Variants in SLC19A1 observed in about 807,000 individuals in gnomAD.
SLC19A1 encodes reduced folate transporter.
Under a neutral mutation model 35.3 loss-of-function variants are expected in SLC19A1, and 37 were observed. That is an observed-to-expected ratio of 1.05 (90% CI 0.81 to 1.38). SLC19A1 has a LOEUF of 1.38. Among genes scored for constraint, SLC19A1 ranks in the 40% most tolerant of loss-of-function variants. The pLI is 0.00. For synonymous variants in SLC19A1, 460 were observed against 398.5 expected, an observed-to-expected ratio of 1.15 and a Z score of -1.84; for missense variants, 831 against 826.9, an observed-to-expected ratio of 1.00 and a Z score of -0.06.
chr21:45,505,098 A>T lies in SLC19A1; in HGVS notation c.498-6486T>A, dbSNP rs767668010. On this transcript the variant is annotated intron_variant, in intron 3 of 4. Transcript: ENST00000417954. ...TTGCCCGCCCCCAGTCCAGGGCACGAGGTAACCAGGAAGCGTCTCTTGTCG... is the reference window on the plus strand; with the variant it reads ...TTGCCCGCCCCCAGTCCAGGGCACGTGGTAACCAGGAAGCGTCTCTTGTCG... 27 of 1,600,118 alleles carry T rather than the reference A, an allele frequency of 1.7e-5. No homozygotes were observed. The African/African-American group carries it at 2.7e-4, about 16-fold the overall frequency.
intron 1 of SLC19A1, among the ~76,000 whole-genome samples, chr21:45,550,883 C>T (rs1239396171): frequency 7.5e-6 from 1 of 133,580 alleles, no homozygotes; most frequent in Admixed American, 7.6e-5. Context: ...CTCCGCCTTT[C>T]TGTCCCCTTC....
At chr21:45,510,352 T>C, downstream of SLC19A1, 1 of 1,375,960 alleles carries the variant, frequency 7.3e-7, no homozygotes, top group Non-Finnish European at 1.0e-6. Flanking sequence ...CTCTAGGGCC[T>C]CTGGAGGCCA....
intron 1 of SLC19A1, among the ~76,000 whole-genome samples, chr21:45,553,507 AC>A (rs1266016268): frequency 6.6e-6 from 1 of 151,680 alleles, no homozygotes; most frequent in African/African-American, 2.4e-5. Flanking sequence ...TTTTAACTGC[AC>A]ACTTCAATGG....
chr21:45,503,326 G>C (rs1324561492), intron 3 of SLC19A1, among the ~76,000 whole-genome samples: 1 of 152,046 alleles, frequency 6.6e-6, no homozygotes, highest in African/African-American at 2.4e-5. Flanking sequence ...GGCCAGTGAT[G>C]ATGAGCATTT....
At position 45,515,526 on chromosome 21, in the gene SLC19A1, AG is replaced by A; in HGVS notation, c.*131del. ...CCACCGCCAGAGTGCGGCACAGGGC[AG>A]GGGGAATCCTAGGGGGCCTGCTAGC... On this transcript the variant is annotated 3_prime_UTR_variant, in exon 6 of 6. Transcript: ENST00000311124. 1 of 1,527,652 alleles carries A rather than the reference AG, an allele frequency of 6.5e-7. No individual in the cohort carries two copies. The highest frequency in any genetic ancestry group is 1.3e-5 in the South Asian group (1 of 76,606). 94.6% of individuals were successfully genotyped at this position (1,527,652 alleles called of 1,614,324 possible).
chr21:45,538,036 C>T (rs985984290), intron 1 of SLC19A1, 28 bp from the exon 2 acceptor site: 2 of 1,296,912 alleles, frequency 1.5e-6, no homozygotes, highest in Non-Finnish European at 2.0e-6. Context: ...GTCAGGGCAC[C>T]TTGGAAGATG....
At chr21:45,504,350 G>T in intron 3 of SLC19A1, 1 of 1,533,702 alleles carries the variant, frequency 6.5e-7, no homozygotes, top group Non-Finnish European at 8.9e-7. Flanking sequence ...GGCTCGGGGG[G>T]ATGGGAGGCC....
chr21:45,553,490 T>C (rs2078488052), intron 1 of SLC19A1, among the ~76,000 whole-genome samples: 1 of 151,782 alleles, frequency 6.6e-6, no homozygotes, highest in African/African-American at 2.4e-5. Context: ...TGTACCATGT[T>C]AACTATTTTT....
intron 5 of SLC19A1, among the ~76,000 whole-genome samples, chr21:45,524,643 C>T (rs1405072371): frequency 2.0e-4 from 5 of 25,300 alleles, no homozygotes; most frequent in African/African-American, 2.0e-4. Flanking sequence ...CGTTCACCCC[C>T]GGGCCTCGGA....
chr21:45,537,740 GCGGCCGCC>G, intron 2 of SLC19A1, 23 bp downstream of exon 2: 1 of 157,224 alleles, frequency 6.4e-6, no homozygotes. Flanking sequence ...CCACCCACAG[GCGGCCGCC>G]CGGCACCCCG....
intron 5 of SLC19A1, among the ~76,000 whole-genome samples, chr21:45,518,416 G>A (rs1368583537): frequency 1.3e-5 from 2 of 152,116 alleles, no homozygotes; most frequent in Non-Finnish European, 2.9e-5. Flanking sequence ...AGAAAAAGAG[G>A]AGAAAAGGAG....
intron 1 of SLC19A1, among the ~76,000 whole-genome samples, chr21:45,550,354 C>T (rs1301278579): frequency 2.6e-5 from 4 of 152,158 alleles, no homozygotes; most frequent in African/African-American, 4.8e-5. Flanking sequence ...CTCAGGCCCT[C>T]GTATGCCAGA....
exon 1 of SLC19A1, among the ~76,000 whole-genome samples, chr21:45,562,903 G>C (rs942604536): frequency 3.3e-5 from 5 of 152,242 alleles, no homozygotes; most frequent in Non-Finnish European, 5.9e-5. Context: ...TGAATTTACA[G>C]CAGATTCCAA....
At chr21:45,504,919 A>AGGTCTCTGCT (rs111955017) in intron 3 of SLC19A1, among the ~76,000 whole-genome samples, 3 of 151,304 alleles carry the variant, frequency 2.0e-5, no homozygotes, top group Non-Finnish European at 4.4e-5. Flanking sequence ...CACTGTTGTC[A>AGGTCTCTGCT]GGTCTCTGCT....
chr21:45,507,473 G>A, intron 3 of SLC19A1: 3 of 415,818 alleles, frequency 7.2e-6, no homozygotes, highest in Admixed American at 5.7e-5. Flanking sequence ...GCCAGGTGCT[G>A]GGGCGGGAGA....
rs749244983 is a variant in SLC19A1 at position 45,516,043 on chromosome 21, G to C, written c.1391C>G (p.Pro464Arg). The C allele has an allele frequency of 6.3e-7, 1 of 1,583,656 alleles. No individual in the cohort carries two copies. ...CAGGCCCTGGGCCGGGGGCTGCCGC[G>C]GGTGGTGGCCCCGCTGGCAGTGCCG... ...GLRHCQRGHH[P>R]RQPPAQGLRS... Residue 464 changes from proline to arginine, a missense_variant, in exon 6 of 6, where the codon CCG (proline) becomes CGG (arginine). Physicochemically the swap from Pro to Arg is moderately radical, Grantham distance 103. Transcript: ENST00000311124.
chr21:45,550,666 T>C (rs1456215532), intron 1 of SLC19A1, among the ~76,000 whole-genome samples: 1 of 152,238 alleles, frequency 6.6e-6, no homozygotes, highest in Admixed American at 6.5e-5. Context: ...TCCGTGGTTT[T>C]GTTGCATGCA....
chr21:45,560,112 C>T (rs1304358934), intron 1 of SLC19A1, among the ~76,000 whole-genome samples: 1 of 152,214 alleles, frequency 6.6e-6, no homozygotes, highest in Admixed American at 6.5e-5. Context: ...ATAGGGGAGC[C>T]CTGGGGTCAC....
At chr21:45,556,012 C>T (rs2078557668) in intron 1 of SLC19A1, among the ~76,000 whole-genome samples, 1 of 152,200 alleles carries the variant, frequency 6.6e-6, no homozygotes, top group African/African-American at 2.4e-5. Context: ...GGAAGACCCC[C>T]GCCCTAATCC....
Sources: allele counts gnomAD v4.1 joint callset (sites outside exome capture counted in the v4.1 genomes callset), GRCh38; gene constraint gnomAD v4.1.1; transcripts MANE v1.5; gene names NCBI Gene and HGNC (gene_info 2026-07-23, HGNC 2026-07-21).